Variants in RIPOR2 observed in about 807,000 individuals in gnomAD.
RIPOR2 encodes rho family-interacting cell polarization regulator 2.
In RIPOR2, 39 loss-of-function variants were observed where a neutral mutation model predicts 114.5. The observed-to-expected ratio is 0.34, with a 90% CI of 0.26 to 0.44. RIPOR2 has a LOEUF of 0.44. Among genes scored for constraint, RIPOR2 ranks in the 20% least tolerant of loss-of-function variants. The pLI, the probability that RIPOR2 is intolerant of heterozygous loss-of-function variation, is 1.00. For missense variants in RIPOR2, 1,007 were observed against 1,255.1 expected (o/e 0.80, Z 2.99); for synonymous variants, 445 against 484.4 (o/e 0.92, Z 1.07).
intron 14 of RIPOR2, among the ~76,000 whole-genome samples, chr6:24,838,030 T>C (rs990749047): frequency 6.6e-6 from 1 of 152,202 alleles, no homozygotes; most frequent in Non-Finnish European, 1.5e-5. Flanking sequence ...GTATGTTCCA[T>C]TGTGCTTATT....
chr6:24,828,035 T>C, intron 18 of RIPOR2, 102 bp downstream of exon 18: 1 of 1,087,270 alleles, frequency 9.2e-7, no homozygotes, highest in Non-Finnish European at 1.3e-6. Flanking sequence ...ACTGTGGACT[T>C]GAAAAATAAA....
upstream of RIPOR2, among the ~76,000 whole-genome samples, chr6:24,936,735 A>T (rs180830117): frequency 1.1e-3 from 164 of 152,320 alleles, no homozygotes; most frequent in African/African-American, 3.5e-3. Flanking sequence ...CGAGCTACCC[A>T]ACGTGTGCCA....
intron 1 of RIPOR2, among the ~76,000 whole-genome samples, chr6:24,944,265 C>T (rs1292448401): frequency 1.3e-5 from 2 of 152,144 alleles, no homozygotes; most frequent in Non-Finnish European, 2.9e-5. Flanking sequence ...CTTAACTGAG[C>T]ATTGAAAGTG....
chr6:24,846,162 A>C (rs2113751909), intron 12 of RIPOR2, among the ~76,000 whole-genome samples: 1 of 152,264 alleles, frequency 6.6e-6, no homozygotes, highest in Admixed American at 6.5e-5. Context: ...ATGAATATAC[A>C]TGTTATGTTA....
Position 24,817,976 on chromosome 6 carries a change from C to CTTTTTTTTTTTTTTTTTTTTTTTTT in RIPOR2, c.2952+565_2952+566insAAAAAAAAAAAAAAAAAAAAAAAAA, listed in dbSNP as rs758675486. On this transcript the variant is annotated intron_variant, in intron 20 of 21. Coordinates refer to ENST00000643898, the MANE Select transcript of RIPOR2 (RefSeq NM_001286445.3). ...ATATACTTTCCTTTTCTCTCTCTCT[C>CTTTTTTTTTTTTTTTTTTTTTTTTT]TCTTTTTTTTTGAGACAGAGTCTGG... 5.9e-5 allele frequency among the ~76,000 whole-genome samples: 5 copies of CTTTTTTTTTTTTTTTTTTTTTTTTT among 84,446 alleles called. 2 individuals carry two copies. The highest frequency in any genetic ancestry group is 1.0e-4 in the Non-Finnish European group (4 of 39,914). The allele number at this position is 84,446 out of a possible 152,430, so 55.4% of individuals were successfully genotyped here.
Position 24,927,251 on chromosome 6 carries a change from C to T in RIPOR2, c.61+8587G>A, listed in dbSNP as rs111209325. On this transcript the variant is annotated intron_variant, in intron 1 of 21. Coordinates refer to ENST00000643898, the MANE Select transcript of RIPOR2 (RefSeq NM_001286445.3). The stretch of plus-strand genomic sequence containing the variant: ...AGCACCACCACAACTACAATCACCA[C>T]CACCACCACCACCACAGCTACAATC... 6.1e-4 allele frequency among the ~76,000 whole-genome samples: 14 copies of T among 22,774 alleles called. 3 individuals carry two copies. The highest frequency in any genetic ancestry group is 3.3e-3 in the East Asian group (1 of 306). 14.9% of individuals were successfully genotyped at this position (22,774 alleles called of 152,430 possible). A position where few individuals can be genotyped will look rare whatever the true frequency, so the allele number is the denominator to read the frequency against.
intron 16 of RIPOR2, among the ~76,000 whole-genome samples, chr6:24,831,435 T>C (rs1000110418): frequency 6.6e-6 from 1 of 152,126 alleles, no homozygotes; most frequent in African/African-American, 2.4e-5. Context: ...CTGAAATGAC[T>C]GAACAGCATG....
At chr6:25,029,411 GAAAAAAAAAAA>G (rs71544610) in intron 1 of RIPOR2, among the ~76,000 whole-genome samples, 5 of 90,644 alleles carry the variant, frequency 5.5e-5, no homozygotes, top group African/African-American at 2.1e-4. Flanking sequence ...TCTCAAAAAA[GAAAAAAAAAAA>G]AAAAAAAAAA....
rs758675486 is a variant in RIPOR2, at chr6:24,817,976, C to CTTTTTTTTTT, written c.2952+565_2952+566insAAAAAAAAAA. 4.4e-4 allele frequency among the ~76,000 whole-genome samples: 37 copies of CTTTTTTTTTT among 84,438 alleles called. 5 individuals are homozygous for CTTTTTTTTTT. The highest frequency in any genetic ancestry group is 6.3e-4 in the Admixed American group (5 of 7,988). The allele number at this position is 84,438 out of a possible 152,430, so 55.4% of individuals were successfully genotyped here. A position where few individuals can be genotyped will look rare whatever the true frequency, so the allele number is the denominator to read the frequency against. On this transcript the variant is annotated intron_variant, in intron 20 of 21. Coordinates refer to ENST00000643898, the MANE Select transcript of RIPOR2 (RefSeq NM_001286445.3). ...ATATACTTTCCTTTTCTCTCTCTCT[C>CTTTTTTTTTT]TCTTTTTTTTTGAGACAGAGTCTGG...
chr6:25,003,693 A>T (rs979109357), intron 1 of RIPOR2, among the ~76,000 whole-genome samples: 1 of 152,110 alleles, frequency 6.6e-6, no homozygotes, highest in African/African-American at 2.4e-5. Flanking sequence ...GGCCTCCCAA[A>T]GTGCTGGCAT....
intron 1 of RIPOR2, among the ~76,000 whole-genome samples, chr6:24,891,680 T>C (rs1767371958): frequency 6.6e-6 from 1 of 152,216 alleles, no homozygotes; most frequent in Admixed American, 6.5e-5. Context: ...AAATGCTGTA[T>C]TACTTGTATT....
In RIPOR2 at chr6:24,805,714, CAT is replaced by C. The variant is rs1466332237; in HGVS notation, c.*657_*658del. The stretch of plus-strand genomic sequence containing the variant: ...GCATATGATGTTTGTCGAAGTATCA[CAT>C]GACTATTTCAAGCTTATAGAGAAAC... On this transcript the variant is annotated 3_prime_UTR_variant, in exon 22 of 22. Transcript: ENST00000643898. 4 of 151,992 alleles carry C rather than the reference CAT, an allele frequency of 2.6e-5. No individual in the cohort carries two copies. The highest frequency in any genetic ancestry group is 4.8e-5 in the African/African-American group (2 of 41,382). The allele number at this position is 151,992 out of a possible 1,614,324, so 9.4% of individuals were successfully genotyped here.
intron 1 of RIPOR2, among the ~76,000 whole-genome samples, chr6:24,904,977 G>A (rs1288888958): frequency 6.6e-6 from 1 of 152,092 alleles, no homozygotes; most frequent in African/African-American, 2.4e-5. Context: ...TCTTCACCAT[G>A]TTGGCCAGGC....
intron 1 of RIPOR2, chr6:24,910,904 G>T (rs1263273997): frequency 2.0e-6 from 2 of 985,284 alleles, no homozygotes; most frequent in Middle Eastern, 5.2e-4. Context: ...AATGCCCGGA[G>T]CTGCCCGCAC....
intron 1 of RIPOR2, among the ~76,000 whole-genome samples, chr6:25,034,239 G>T (rs1012940351): frequency 3.9e-5 from 5 of 128,908 alleles, no homozygotes; most frequent in Admixed American, 1.9e-4. Flanking sequence ...TATTAGCTTT[G>T]TATTAGATGA....
chr6:24,861,545 G>T (rs74961249), intron 7 of RIPOR2, among the ~76,000 whole-genome samples: 6,031 of 152,230 alleles, frequency 0.04, 313 homozygotes, highest in African/African-American at 0.12. Context: ...TTGTAGTAAT[G>T]GTATGTGGTT....
intron 1 of RIPOR2, among the ~76,000 whole-genome samples, chr6:24,927,601 T>C (rs1341009902): frequency 6.8e-6 from 1 of 146,488 alleles, no homozygotes; most frequent in Non-Finnish European, 1.5e-5. Context: ...CTATAATCGC[T>C]ACCACCACTA....
intron 1 of RIPOR2, among the ~76,000 whole-genome samples, chr6:24,880,779 TCTGAG>T (rs1766267314): frequency 3.9e-5 from 6 of 152,228 alleles, no homozygotes; most frequent in Admixed American, 3.9e-4. Context: ...TATTATGAGT[TCTGAG>T]CTATGTAACA....
intron 18 of RIPOR2, among the ~76,000 whole-genome samples, 180 bp downstream of exon 18, chr6:24,827,957 G>A (rs887302232): frequency 2.0e-5 from 3 of 152,086 alleles, no homozygotes; most frequent in African/African-American, 7.2e-5. Flanking sequence ...GTGAATCCCT[G>A]GTTCATTAAC....
Sources: gnomAD v4.1 joint callset for allele counts (sites outside exome capture counted in the v4.1 genomes callset) on GRCh38, gnomAD v4.1.1 for gene constraint, MANE v1.5 for transcripts, NCBI Gene and HGNC (gene_info 2026-07-23, HGNC 2026-07-21) for gene names.